Variants in NIBAN1 observed in about 807,000 individuals in gnomAD.
The protein encoded by NIBAN1 is protein Niban 1.
In NIBAN1, 81 loss-of-function variants were observed where a neutral mutation model predicts 75.1. The observed-to-expected ratio is 1.08, with a 90% CI of 0.90 to 1.30. The LOEUF (loss-of-function observed/expected upper bound fraction) is 1.30, where lower values mean the gene tolerates loss of function less well. Among genes scored for constraint, NIBAN1 ranks in the 50% most tolerant of loss-of-function variants. The pLI is 0.00. For missense variants in NIBAN1, 1,133 were observed against 1,128.1 expected (o/e 1.00, Z -0.06); for synonymous variants, 436 against 424.8 (o/e 1.03, Z -0.32).
At chr1:184,855,581 T>A (rs1235010048) in intron 5 of NIBAN1, among the ~76,000 whole-genome samples, 4 of 152,154 alleles carry the variant, frequency 2.6e-5, no homozygotes, top group Non-Finnish European at 1.5e-5. Context: ...GCCTGACCTC[T>A]CCCCCTTCAA....
intron 5 of NIBAN1, among the ~76,000 whole-genome samples, chr1:184,881,440 G>A (rs1312830972): frequency 2.0e-5 from 3 of 152,094 alleles, no homozygotes; most frequent in African/African-American, 7.2e-5. Flanking sequence ...TAGGAGACAT[G>A]TCCTGGAACC....
chr1:184,884,670 ACTAAACCTCTT>A lies in NIBAN1; in HGVS notation c.553_563del (p.Lys185CysfsTer5). 6.2e-7 allele frequency: 1 copy of A among 1,614,182 alleles called. No individual in the cohort carries two copies. The highest frequency in any genetic ancestry group is 8.5e-7 in the Non-Finnish European group (1 of 1,180,020). On this transcript the variant is annotated frameshift_variant, in exon 5 of 14. Coordinates refer to ENST00000367511, the MANE Select transcript of NIBAN1 (RefSeq NM_052966.4). LOFTEE classifies it high-confidence loss of function. Reference sequence around the variant, plus strand: ...GCCTGACGCAGTCACTCAGGAGGGCACTAAACCTCTTCTGGTCAGCAGCCTCGTGGAAGCAG... The same window carrying A: ...GCCTGACGCAGTCACTCAGGAGGGCACTGGTCAGCAGCCTCGTGGAAGCAG...
intron 5 of NIBAN1, among the ~76,000 whole-genome samples, chr1:184,834,504 C>A (rs1054327896): frequency 2.0e-5 from 3 of 152,190 alleles, no homozygotes; most frequent in Non-Finnish European, 2.9e-5. Context: ...TTCTCCACAT[C>A]CTCTCCAGCA....
chr1:184,823,549 T>TCAA, intron 7 of NIBAN1, 89 bp downstream of exon 7: 1 of 1,432,634 alleles, frequency 7.0e-7, no homozygotes. Flanking sequence ...GAAGGGAATA[T>TCAA]CAACAACAAC....
chr1:184,803,439 A>C (rs1406482689), intron 12 of NIBAN1, 146 bp downstream of exon 12: 2 of 636,602 alleles, frequency 3.1e-6, no homozygotes, highest in Non-Finnish European at 2.8e-6. Flanking sequence ...ATGAAGCTTA[A>C]AATATTTACT....
intron 5 of NIBAN1, among the ~76,000 whole-genome samples, chr1:184,879,696 C>A (rs1656327509): frequency 6.6e-6 from 1 of 152,132 alleles, no homozygotes; most frequent in South Asian, 2.1e-4. Flanking sequence ...TTATTGAACA[C>A]CTAAAACTTG....
intron 5 of NIBAN1, among the ~76,000 whole-genome samples, chr1:184,884,065 C>T (rs191591443): frequency 7.2e-5 from 11 of 152,226 alleles, no homozygotes; most frequent in African/African-American, 2.6e-4. Flanking sequence ...TGACACCCCC[C>T]AACTTGCAGC....
rs147077078 is a variant in NIBAN1, at chr1:184,796,035, T to C, written c.1729A>G (p.Ser577Gly). 1,113 of 1,604,148 alleles carry C rather than the reference T, an allele frequency of 6.9e-4. 4 individuals carry two copies. The highest frequency in any genetic ancestry group is 4.2e-3 in the Middle Eastern group (25 of 6,014). Reference protein sequence around the residue: ...NLFEDNMALPSESVSSLTDLK... With the variant: ...NLFEDNMALPGESVSSLTDLK... ...TCTGTTAAGCTGGACACACTTTCAC[T>C]GGGCAAGGCCATGTTATCTTCAAAT... The change falls in exon 14 of 14, where the codon AGT becomes GGT. Residue 577 changes from serine (S) to glycine (G), a missense_variant. Physicochemically the swap from Ser to Gly is moderately conservative, Grantham distance 56. Coordinates refer to ENST00000367511, the MANE Select transcript of NIBAN1 (RefSeq NM_052966.4).
At chr1:184,805,521 T>C (rs1379441919) in intron 11 of NIBAN1, among the ~76,000 whole-genome samples, 1 of 152,174 alleles carries the variant, frequency 6.6e-6, no homozygotes, top group Non-Finnish European at 1.5e-5. Context: ...TTCTTTGGAG[T>C]ATTTCCTTTG....
At chr1:184,935,826 A>T (rs1657943040) in intron 1 of NIBAN1, among the ~76,000 whole-genome samples, 1 of 151,606 alleles carries the variant, frequency 6.6e-6, no homozygotes, top group Admixed American at 6.6e-5. Flanking sequence ...AAAATCCAGA[A>T]TGAAAACCAA....
intron 1 of NIBAN1, among the ~76,000 whole-genome samples, chr1:184,929,279 T>A (rs1238801383): frequency 1.3e-5 from 2 of 152,124 alleles, no homozygotes; most frequent in African/African-American, 4.8e-5. Flanking sequence ...AGAGTAAAAT[T>A]CAATGAGTTT....
intron 1 of NIBAN1, among the ~76,000 whole-genome samples, chr1:184,938,687 T>C (rs1658019808): frequency 6.6e-6 from 1 of 152,250 alleles, no homozygotes; most frequent in Non-Finnish European, 1.5e-5. Context: ...GAAAATTTAA[T>C]GATTCTAATG....
At chr1:184,892,771 C>T (rs1656702826) in intron 3 of NIBAN1, among the ~76,000 whole-genome samples, 1 of 151,994 alleles carries the variant, frequency 6.6e-6, no homozygotes, top group Non-Finnish European at 1.5e-5. Flanking sequence ...ATCTTGACTA[C>T]TCTTTTTTTA....
intron 5 of NIBAN1, among the ~76,000 whole-genome samples, chr1:184,856,620 C>T (rs1038132828): frequency 6.6e-6 from 1 of 152,168 alleles, no homozygotes; most frequent in African/African-American, 2.4e-5. Context: ...TATATTCACT[C>T]ACTCCCCTAA....
intron 5 of NIBAN1, among the ~76,000 whole-genome samples, chr1:184,855,510 C>T (rs950943254): frequency 3.3e-5 from 5 of 151,668 alleles, no homozygotes; most frequent in Admixed American, 3.3e-4. Context: ...CTCTTCAGTT[C>T]TAGGCTGGGC....
intron 7 of NIBAN1, 135 bp from the exon 8 acceptor site, chr1:184,823,464 A>T: frequency 7.4e-7 from 1 of 1,342,764 alleles, no homozygotes; most frequent in Non-Finnish European, 1.0e-6. Flanking sequence ...TTTCTTTCAA[A>T]GTTGGAGTCT....
At chr1:184,811,046 G>C (rs544178487) in intron 9 of NIBAN1, among the ~76,000 whole-genome samples, 9 of 152,206 alleles carry the variant, frequency 5.9e-5, no homozygotes, top group African/African-American at 2.2e-4. Flanking sequence ...GAGTTTCTTC[G>C]AGCAAGTTTC....
At chr1:184,814,804 C>A (rs1469005474) in intron 9 of NIBAN1, among the ~76,000 whole-genome samples, 1 of 152,134 alleles carries the variant, frequency 6.6e-6, no homozygotes, top group African/African-American at 2.4e-5. Flanking sequence ...CTATGATAAA[C>A]CATTAGTTAT....
At chr1:184,852,785 C>A (rs1019795629) in intron 5 of NIBAN1, among the ~76,000 whole-genome samples, 5 of 152,172 alleles carry the variant, frequency 3.3e-5, no homozygotes, top group African/African-American at 4.8e-5. Context: ...TCTTTCTCTC[C>A]GTCTGCCTGT....
Sources: allele counts gnomAD v4.1 joint callset (sites outside exome capture counted in the v4.1 genomes callset), GRCh38; gene constraint gnomAD v4.1.1; transcripts MANE v1.5; gene names NCBI Gene and HGNC (gene_info 2026-07-23, HGNC 2026-07-21).